Variants in CRACD observed in about 807,000 individuals in gnomAD.
The protein encoded by CRACD is capping protein-inhibiting regulator of actin dynamics.
CRACD carries 56 observed loss-of-function variants against 106.8 expected under a neutral mutation model. The ratio of observed to expected loss-of-function variants is 0.52; its 90% CI spans 0.42 to 0.66. The LOEUF is 0.66. CRACD is among the 30% of genes least tolerant of loss of function. The pLI is 0.00. For synonymous variants in CRACD, 754 were observed against 670.8 expected (o/e 1.12, Z -1.92); for missense variants, 1,730 against 1,623.2 (o/e 1.07, Z -1.13).
At chr4:56,051,140 T>C (rs1329463284) in intron 1 of CRACD, among the ~76,000 whole-genome samples, 1 of 152,244 alleles carries the variant, frequency 6.6e-6, no homozygotes, top group Admixed American at 6.5e-5. Flanking sequence ...TTAGTCTTTT[T>C]TTGTGGTCTG....
intron 2 of CRACD, among the ~76,000 whole-genome samples, chr4:56,221,917 C>T (rs1313818731): frequency 2.0e-5 from 3 of 151,900 alleles, no homozygotes; most frequent in Non-Finnish European, 4.4e-5. Flanking sequence ...GTGGTGAATA[C>T]AGAACACTTT....
chr4:56,156,858 A>G (rs1735779079), intron 1 of CRACD, among the ~76,000 whole-genome samples: 2 of 152,218 alleles, frequency 1.3e-5, no homozygotes, highest in African/African-American at 4.8e-5. Context: ...ATGAATTAAT[A>G]TATGTAATTA....
intron 2 of CRACD, among the ~76,000 whole-genome samples, chr4:56,220,831 A>T (rs943230714): frequency 6.6e-6 from 1 of 152,190 alleles, no homozygotes; most frequent in Non-Finnish European, 1.5e-5. Flanking sequence ...AGGGGAGCAC[A>T]GTCCCTGGTA....
At chr4:56,073,547 G>C (rs34546346) in intron 1 of CRACD, among the ~76,000 whole-genome samples, 42,808 of 151,958 alleles carry the variant, frequency 0.28, 6,363 homozygotes, top group African/African-American at 0.37. Context: ...ACTTTTTGAT[G>C]GGGTTGTTTT....
chr4:56,212,804 C>CT (rs1738475578), intron 2 of CRACD, among the ~76,000 whole-genome samples: 1 of 152,172 alleles, frequency 6.6e-6, no homozygotes, highest in Admixed American at 6.5e-5. Context: ...CTACCAGTTT[C>CT]TGTCTGACCC....
chr4:56,122,757 A>G (rs986088470), intron 1 of CRACD, among the ~76,000 whole-genome samples: 13 of 152,202 alleles, frequency 8.5e-5, no homozygotes, highest in East Asian at 1.9e-4. Context: ...CAAAAATTCA[A>G]TAGTAGAAAG....
At chr4:56,126,716 A>G (rs1055956363) in intron 1 of CRACD, among the ~76,000 whole-genome samples, 6 of 152,184 alleles carry the variant, frequency 3.9e-5, no homozygotes, top group South Asian at 4.1e-4. Context: ...ATTTTTACAT[A>G]CAATTTTATT....
chr4:56,285,672 C>T (rs962564456), intron 3 of CRACD, among the ~76,000 whole-genome samples: 2 of 152,136 alleles, frequency 1.3e-5, no homozygotes, highest in Admixed American at 6.5e-5. Flanking sequence ...TCTCAGACTC[C>T]TGACCTCAAG....
At chr4:56,098,787 G>A (rs531127031) in intron 1 of CRACD, among the ~76,000 whole-genome samples, 5 of 152,224 alleles carry the variant, frequency 3.3e-5, no homozygotes, top group South Asian at 2.1e-4. Context: ...TGCCTCCCGG[G>A]TTCAAGCAAT....
intron 1 of CRACD, among the ~76,000 whole-genome samples, chr4:56,130,577 T>A (rs568351087): frequency 2.2e-4 from 34 of 152,222 alleles, no homozygotes; most frequent in Non-Finnish European, 4.4e-4. Context: ...ATCTATAATT[T>A]CTCTTATTTA....
chr4:56,122,509 T>C (rs1185458726), intron 1 of CRACD, among the ~76,000 whole-genome samples: 1 of 152,160 alleles, frequency 6.6e-6, no homozygotes, highest in African/African-American at 2.4e-5. Flanking sequence ...CGAGTCTTGT[T>C]TTTTGATTTC....
intron 1 of CRACD, among the ~76,000 whole-genome samples, chr4:56,071,757 C>T (rs1732656571): frequency 6.6e-6 from 1 of 152,106 alleles, no homozygotes; most frequent in Admixed American, 6.5e-5. Flanking sequence ...GTGATTCACC[C>T]ACCTCGGCCT....
At chr4:56,283,248 A>C (rs1308192023) in intron 3 of CRACD, among the ~76,000 whole-genome samples, 1 of 152,158 alleles carries the variant, frequency 6.6e-6, no homozygotes, top group Non-Finnish European at 1.5e-5. Context: ...AAGTAGAATC[A>C]CAATACAGGG....
In CRACD at chr4:56,314,477, C is replaced by A; in HGVS notation, c.975C>A (p.Ala325=). 6.5e-7 allele frequency: 1 copy of A among 1,530,742 alleles called. No homozygotes were observed. Among genetic ancestry groups the A allele is most frequent in the Non-Finnish European group, 8.8e-7 (1 of 1,139,322 alleles). The allele number at this position is 1,530,742 out of a possible 1,614,324, so 94.8% of individuals were successfully genotyped here. Residue 325 remains alanine (A), a synonymous_variant, in exon 8 of 11, where the codon GCC becomes GCA. Transcript: ENST00000682029. This position sits in a 1 kb window ranked among gnomAD's most constrained non-coding sequence, Gnocchi z 4.4. ...EAEEERRRLQ[A]QAQAEERRRL... is the part of the protein sequence containing the mutation. ...AGGAGGAGCGAAGGCGTCTGCAGGC[C>A]CAGGCCCAAGCGGAGGAGAGGCGGC...
At position 56,314,849 on chromosome 4, in the gene CRACD, T is replaced by C. The variant is rs1476872500; in HGVS notation, c.1347T>C (p.Gly449=). The C allele has an allele frequency of 1.2e-6, 2 of 1,611,372 alleles. No individual in the cohort carries two copies. The highest frequency in any genetic ancestry group is 1.7e-6 in the Non-Finnish European group (2 of 1,179,342). ...AAAGAGAACACTCCGAGGAGCCAGG[T>C]ATTTGCGAGGAGCAGAACCCAGAGG... is the stretch of plus-strand genomic sequence containing the variant. The part of the protein sequence containing the change: ...EGQREHSEEP[G]ICEEQNPEAE... The change falls in exon 8 of 11, where the codon GGT becomes GGC. Residue 449 remains glycine, a synonymous_variant. Transcript: ENST00000682029. The surrounding 1 kb of genome is among the most constrained non-coding windows in gnomAD (Gnocchi z 4.4).
chr4:56,213,436 A>G (rs1247690941), intron 2 of CRACD, among the ~76,000 whole-genome samples: 1 of 151,712 alleles, frequency 6.6e-6, no homozygotes, highest in African/African-American at 2.4e-5. Flanking sequence ...ACAAGAGTGA[A>G]ACTCCACCTC....
At chr4:56,317,425 C>T (rs557278217) in intron 8 of CRACD, among the ~76,000 whole-genome samples, 1 of 152,298 alleles carries the variant, frequency 6.6e-6, no homozygotes, top group Non-Finnish European at 1.5e-5. Context: ...GCAGTTCACT[C>T]TTGATAATGA....
intron 2 of CRACD, among the ~76,000 whole-genome samples, chr4:56,206,039 G>A (rs1362565971): frequency 2.6e-5 from 4 of 152,074 alleles, no homozygotes; most frequent in Admixed American, 6.6e-5. Context: ...ATTTAAAGCC[G>A]ACTAGAAAGA....
intron 4 of CRACD, among the ~76,000 whole-genome samples, chr4:56,300,345 CA>C (rs35567735): frequency 0.24 from 33,028 of 138,554 alleles, 4,674 homozygotes; most frequent in Non-Finnish European, 0.33. Context: ...CACCGCTGCC[CA>C]AAGCCATAGT....
Sources: gnomAD v4.1 joint callset for allele counts (sites outside exome capture counted in the v4.1 genomes callset) on GRCh38, gnomAD v4.1.1 for gene constraint, Gnocchi (gnomAD v3.1) non-coding constraint, MANE v1.5 for transcripts, NCBI Gene and HGNC (gene_info 2026-07-23, HGNC 2026-07-21) for gene names.